GMPS: variants seen among roughly 807,000 people sequenced by gnomAD.
GMPS encodes the protein GMP synthase [glutamine-hydrolyzing].
GMPS carries 15 observed loss-of-function variants against 77.9 expected under a neutral mutation model. The observed-to-expected ratio is 0.19, with a 90% CI of 0.13 to 0.30. The LOEUF (loss-of-function observed/expected upper bound fraction) is 0.30, where lower values mean the gene tolerates loss of function less well. Ranked by LOEUF, GMPS falls within the 10% of genes least tolerant of loss-of-function variation. GMPS has a pLI of 1.00. For synonymous variants in GMPS, 224 were observed against 275.9 expected, an observed-to-expected ratio of 0.81 and a Z score of 1.86; for missense variants, 590 against 838.8, an observed-to-expected ratio of 0.70 and a Z score of 3.66.
chr3:155,872,333 GAC>G (rs1228468236), intron 1 of GMPS, among the ~76,000 whole-genome samples: 1 of 152,200 alleles, frequency 6.6e-6, no homozygotes, highest in Non-Finnish European at 1.5e-5. Context: ...GAGCTGTTAA[GAC>G]ACACAAACCT....
chr3:155,875,704 C>T (rs937042026), intron 1 of GMPS, among the ~76,000 whole-genome samples: 3 of 152,014 alleles, frequency 2.0e-5, no homozygotes, highest in Admixed American at 6.6e-5. Flanking sequence ...TTCTGGGTTG[C>T]GTAGAATATT....
intron 1 of GMPS, among the ~76,000 whole-genome samples, chr3:155,879,283 T>TC (rs1560035110): frequency 6.7e-6 from 1 of 148,538 alleles, no homozygotes; most frequent in Non-Finnish European, 1.5e-5. Context: ...TTTTTTTTTT[T>TC]TTTCCTGAGA....
intron 9 of GMPS, among the ~76,000 whole-genome samples, chr3:155,917,900 C>T (rs956506547): frequency 2.0e-5 from 3 of 152,008 alleles, no homozygotes; most frequent in Non-Finnish European, 2.9e-5. Context: ...ACAAAACAGA[C>T]TGAGTAATGT....
At chr3:155,917,035 T>C (rs778556389) in intron 9 of GMPS, among the ~76,000 whole-genome samples, 3 of 151,742 alleles carry the variant, frequency 2.0e-5, no homozygotes, top group Non-Finnish European at 2.9e-5. Flanking sequence ...AGAGCAGTCA[T>C]GCGACCTCGG....
chr3:155,936,961 C>T (rs12496313), intron 15 of GMPS, among the ~76,000 whole-genome samples: 2,521 of 152,310 alleles, frequency 0.017, 209 homozygotes, highest in Admixed American at 0.14. Flanking sequence ...AAAGGAGCTA[C>T]TTGCATAATA....
chr3:155,895,825 CTT>C (rs1434945766), intron 2 of GMPS, among the ~76,000 whole-genome samples: 1 of 151,892 alleles, frequency 6.6e-6, no homozygotes, highest in Non-Finnish European at 1.5e-5. Context: ...AAGTCCATGA[CTT>C]TTTTGTTTTT....
At position 155,930,751 on chromosome 3, in the gene GMPS, C is replaced by T. The variant is rs544539350; in HGVS notation, c.1561-1014C>T. Among the ~76,000 whole-genome samples, 8 of 152,308 alleles carry T rather than the reference C, an allele frequency of 5.3e-5. No individual in the cohort carries two copies. The East Asian group carries it at 1.5e-3, about 29-fold the overall frequency. On this transcript the variant is annotated intron_variant, in intron 12 of 15. Transcript: ENST00000496455. ...AAATGTTTATGAATTGTTTTTGTCTCCCACTTAAGAATTCTTTATCCACTC... is the reference window on the plus strand; with the variant it reads ...AAATGTTTATGAATTGTTTTTGTCTTCCACTTAAGAATTCTTTATCCACTC...
intron 12 of GMPS, among the ~76,000 whole-genome samples, chr3:155,930,498 A>G (rs1348355650): frequency 3.3e-5 from 5 of 151,254 alleles, no homozygotes; most frequent in East Asian, 1.9e-4. Flanking sequence ...ACAAAAGCCA[A>G]AATTGACAAA....
chr3:155,916,834 A>G (rs76182393), intron 9 of GMPS, among the ~76,000 whole-genome samples: 23,506 of 152,252 alleles, frequency 0.15, 2,183 homozygotes, highest in Non-Finnish European at 0.21. Flanking sequence ...TTGCCAAACT[A>G]TTATTTAAAA....
Position 155,886,728 on chromosome 3 carries a change from G to A in GMPS, c.28-6790G>A, listed in dbSNP as rs1169361517. The stretch of plus-strand genomic sequence containing the variant: ...TCATCATGTTAGCCAGGTTGGTCTC[G>A]ATCTCCTGACCTTGTGATCCACCCG... On this transcript the variant is annotated intron_variant, in intron 1 of 15. Transcript: ENST00000496455. Among the ~76,000 whole-genome samples, 8 of 145,886 alleles carry A rather than the reference G, an allele frequency of 5.5e-5. No homozygotes were observed. The South Asian group carries it at 1.1e-3, about 20-fold the overall frequency.
chr3:155,937,779 A>C lies in GMPS; in HGVS notation c.*87A>C, dbSNP rs1432954400. ...TATTGACATGCAGTACTGTGAAAAG[A>C]GTTACTGGAGCAGCTACATCACATC... On this transcript the variant is annotated 3_prime_UTR_variant, in exon 16 of 16. Transcript: ENST00000496455. The C allele has an allele frequency of 1.4e-6, 1 of 695,280 alleles. No homozygotes were observed. The highest frequency in any genetic ancestry group is 1.8e-5 in the African/African-American group (1 of 55,984). The allele number at this position is 695,280 out of a possible 1,614,324, so 43.1% of individuals were successfully genotyped here.
intron 1 of GMPS, among the ~76,000 whole-genome samples, chr3:155,883,974 G>T (rs530327899): frequency 1.3e-5 from 2 of 151,998 alleles, no homozygotes; most frequent in African/African-American, 4.8e-5. Flanking sequence ...TTAAACCTAC[G>T]CAAAGATAAC....
At position 155,910,836 on chromosome 3, in the gene GMPS, T is replaced by C; in HGVS notation, c.671T>C (p.Leu224Pro). The C allele has an allele frequency of 6.2e-7, 1 of 1,608,712 alleles. No homozygotes were observed. The highest frequency in any genetic ancestry group is 8.5e-7 in the Non-Finnish European group (1 of 1,178,512). Residue 224 changes from leucine to proline, a missense_variant, in exon 6 of 16, where the codon CTT (leucine) becomes CCT (proline). Physicochemically the swap from Leu to Pro is moderately conservative, Grantham distance 98. Around this residue, in one of 6 missense-constraint regions of GMPS, gnomAD observed 181 missense variants for 186.8 expected, o/e 0.97. Transcript: ENST00000496455. The stretch of plus-strand genomic sequence containing the variant: ...ACCTTCACCGTGCAGAACAGAGAAC[T>C]TGAGTGTATTCGAGAGATCAAAGAG... ...SGTFTVQNRELECIREIKERV... is the reference protein window; with the variant it reads ...SGTFTVQNREPECIREIKERV...
chr3:155,870,404 G>C, upstream of GMPS: 1 of 174,436 alleles, frequency 5.7e-6, no homozygotes, highest in East Asian at 1.1e-4. Flanking sequence ...TCCTCGGTGC[G>C]AGGGCAGGAG....
At chr3:155,924,341 G>A (rs1233324414) in intron 11 of GMPS, among the ~76,000 whole-genome samples, 1 of 152,220 alleles carries the variant, frequency 6.6e-6, no homozygotes, top group Non-Finnish European at 1.5e-5. Context: ...AAAATCGAGA[G>A]TAGAGGTAAA....
intron 1 of GMPS, among the ~76,000 whole-genome samples, chr3:155,883,590 G>A (rs1377687354): frequency 6.6e-6 from 1 of 152,128 alleles, no homozygotes; most frequent in South Asian, 2.1e-4. Flanking sequence ...TGAAGAGAAC[G>A]AGTCAGAGTT....
chr3:155,904,904 A>G lies in GMPS; in HGVS notation c.422+944A>G, dbSNP rs558965920. ...CAACCTATACTATTCCTAAACAACAATGTCAACAACAAACCCCAAAATATC... is the reference window on the plus strand; with the variant it reads ...CAACCTATACTATTCCTAAACAACAGTGTCAACAACAAACCCCAAAATATC... On this transcript the variant is annotated intron_variant, in intron 4 of 15. Coordinates refer to ENST00000496455, the MANE Select transcript of GMPS (RefSeq NM_003875.3). 2.3e-3 allele frequency among the ~76,000 whole-genome samples: 349 copies of G among 152,292 alleles called. 1 individual carries two copies. The highest frequency in any genetic ancestry group is 4.0e-3 in the Non-Finnish European group (275 of 68,024).
intron 9 of GMPS, among the ~76,000 whole-genome samples, chr3:155,917,277 C>T (rs1157858444): frequency 6.6e-6 from 1 of 152,122 alleles, no homozygotes; most frequent in Non-Finnish European, 1.5e-5. Context: ...CCAGCCTCAT[C>T]TTAACTATTT....
At chr3:155,927,582 G>T (rs933679509) in intron 12 of GMPS, among the ~76,000 whole-genome samples, 1 of 151,996 alleles carries the variant, frequency 6.6e-6, no homozygotes, top group Non-Finnish European at 1.5e-5. Context: ...ACCCTTTGAA[G>T]CTTAGACCCT....
Sources: gnomAD v4.1 joint callset for allele counts (sites outside exome capture counted in the v4.1 genomes callset) on GRCh38, gnomAD v4.1.1 for gene constraint, gnomAD v4.1.1 regional missense constraint, MANE v1.5 for transcripts, NCBI Gene and HGNC (gene_info 2026-07-23, HGNC 2026-07-21) for gene names.